The following PARP3 variants were observed in gnomAD, a reference collection of about 807,000 sequenced individuals.
PARP3 encodes poly(ADP-ribose) polymerase family member 3.
In PARP3, 46 loss-of-function variants were observed where a neutral mutation model predicts 58.2. The ratio of observed to expected loss-of-function variants is 0.79; its 90% CI spans 0.62 to 1.01. PARP3 has a LOEUF of 1.01. PARP3 is among the 50% of genes least tolerant of loss of function. The pLI, the probability that PARP3 is intolerant of heterozygous loss-of-function variation, is 0.00. For missense variants in PARP3, 663 were observed against 683.9 expected (o/e 0.97, Z 0.34); for synonymous variants, 252 against 266.4 (o/e 0.95, Z 0.53).
Position 51,944,625 on chromosome 3 carries a change from A to C in PARP3, c.501+47A>C. ...GGCAGGCCCTGGACTGAGGGAGGGG[A>C]CTCGTTGGAGAGTTCCCGCTGGTTG... On this transcript the variant is annotated intron_variant, in intron 4 of 10. Coordinates refer to ENST00000398755, the MANE Select transcript of PARP3 (RefSeq NM_001003931.4). The surrounding 1 kb of genome is among the most constrained non-coding windows in gnomAD (Gnocchi z 4.2). 6.3e-7 allele frequency: 1 copy of C among 1,598,954 alleles called. No homozygotes were observed. Among genetic ancestry groups the C allele is most frequent in the Non-Finnish European group, 8.6e-7 (1 of 1,169,484 alleles).
rs754198499 is a variant in PARP3 at position 51,945,582 on chromosome 3, C to G, written c.949C>G (p.Arg317Gly). The G allele has an allele frequency of 6.2e-7, 1 of 1,613,790 alleles. No individual in the cohort carries two copies. Among genetic ancestry groups the G allele is most frequent in the Non-Finnish European group, 8.5e-7 (1 of 1,180,018 alleles). The change falls in exon 7 of 11, where the codon CGA becomes GGA. Residue 317 changes from arginine (R) to glycine (G), a missense_variant. This residue lies in a region of PARP3 where 567 missense variants were observed against 553.6 expected (regional missense o/e 1.02). Coordinates refer to ENST00000398755, the MANE Select transcript of PARP3 (RefSeq NM_001003931.4). The part of the protein sequence containing the change: ...TVEEVPHPLD[R>G]DYQLLKCQLQ... ...GGAGGAGGTGCCACACCCCCTGGAC[C>G]GAGACTACCAGCTTCTCAAGTGCCA...
At position 51,942,604 on chromosome 3, in the gene PARP3, G is replaced by T; in HGVS notation, c.-107G>T. 1.3e-6 allele frequency: 1 copy of T among 777,264 alleles called. No individual in the cohort carries two copies. Among genetic ancestry groups the T allele is most frequent in the Non-Finnish European group, 2.3e-6 (1 of 438,870 alleles). 48.1% of individuals were successfully genotyped at this position (777,264 alleles called of 1,614,324 possible). On this transcript the variant is annotated 5_prime_UTR_variant, in exon 1 of 11. Coordinates refer to ENST00000398755, the MANE Select transcript of PARP3 (RefSeq NM_001003931.4). ...GTTGGGAATTCTCTCCCTAATTCAC[G>T]CCTGAGGCTCATGGAGAGTTGCTAG...
rs2106696387 is a variant in PARP3, at chr3:51,946,184, C to T, written c.1117C>T (p.His373Tyr). 1 of 1,603,642 alleles carries T rather than the reference C, an allele frequency of 6.2e-7. No individual in the cohort carries two copies. Among genetic ancestry groups the T allele is most frequent in the Non-Finnish European group, 8.5e-7 (1 of 1,174,240 alleles). Residue 373 changes from histidine (H) to tyrosine (Y), a missense_variant, in exon 9 of 11, where the codon CAC becomes TAC. By Grantham distance (83) the His-to-Tyr change is moderately conservative. Around this residue, in one of 3 missense-constraint regions of PARP3, gnomAD observed 567 missense variants for 553.6 expected, o/e 1.02. Transcript: ENST00000398755. The surrounding 1 kb of genome is among the most constrained non-coding windows in gnomAD (Gnocchi z 4.6). ...QEGEEDRFQAHSKLGNRKLLW... is the reference protein window; with the variant it reads ...QEGEEDRFQAYSKLGNRKLLW... ...CACTCAGGAAGACAGATTCCAGGCC[C>T]ACTCCAAACTGGGTAATCGGAAGCT...
Position 51,944,991 on chromosome 3 carries a change from C to T in PARP3, c.635-7C>T. ...GGCTGAGTCTCCCCACTCCCCTGTC[C>T]CCCTAGATGTGAAGAAGATGCCCCT... On this transcript the variant is annotated splice_region_variant and splice_polypyrimidine_tract_variant and intron_variant, in intron 5 of 10. Coordinates refer to ENST00000398755, the MANE Select transcript of PARP3 (RefSeq NM_001003931.4). The surrounding 1 kb of genome is among the most constrained non-coding windows in gnomAD (Gnocchi z 4.2). 2 of 1,613,574 alleles carry T rather than the reference C, an allele frequency of 1.2e-6. No individual in the cohort carries two copies. The highest frequency in any genetic ancestry group is 2.2e-5 in the East Asian group (1 of 44,878).
chr3:51,946,908 A>G lies in PARP3; in HGVS notation c.1276+565A>G, dbSNP rs143260965. On this transcript the variant is annotated intron_variant, in intron 9 of 10. Transcript: ENST00000398755. This position sits in a 1 kb window ranked among gnomAD's most constrained non-coding sequence, Gnocchi z 4.6. ...GGGGCAGGGTGGGCTAGGGGCCCAG[A>G]ACGATCGAGGAGGCTTTATCCAGAG... Among the ~76,000 whole-genome samples the G allele has an allele frequency of 1.1e-3, 170 of 152,346 alleles. No individual in the cohort carries two copies. Among genetic ancestry groups the G allele is most frequent in the African/African-American group, 3.9e-3 (162 of 41,590 alleles).
rs540910959 is a variant in PARP3 at position 51,945,068 on chromosome 3, G to A, written c.705G>A (p.Ala235=). The A allele has an allele frequency of 4.9e-5, 79 of 1,614,054 alleles. No homozygotes were observed. Among genetic ancestry groups the A allele is most frequent in the Non-Finnish European group, 5.8e-5 (68 of 1,180,050 alleles). The change falls in exon 6 of 11, where the codon GCG becomes GCA. Residue 235 remains alanine, a synonymous_variant. Coordinates refer to ENST00000398755, the MANE Select transcript of PARP3 (RefSeq NM_001003931.4). ...CACGGGGTTTCGAGGCCTTGGAGGCGCTGGAGGAGGCCCTGAAAGGCCCCA... is the reference window on the plus strand; with the variant it reads ...CACGGGGTTTCGAGGCCTTGGAGGCACTGGAGGAGGCCCTGAAAGGCCCCA... ...QIARGFEALE[A]LEEALKGPTD... is the part of the protein sequence containing the mutation.
At position 51,942,511 on chromosome 3, in the gene PARP3, A is replaced by T. The variant is rs1559746051; in HGVS notation, c.-200A>T. 4 of 686,336 alleles carry T rather than the reference A, an allele frequency of 5.8e-6. No individual in the cohort carries two copies. The East Asian group carries it at 1.1e-4, about 19-fold the overall frequency. The allele number at this position is 686,336 out of a possible 1,614,324, so 42.5% of individuals were successfully genotyped here. On this transcript the variant is annotated 5_prime_UTR_variant, in exon 1 of 11. Transcript: ENST00000398755. ...CTCGGCCTGCCCCAGCCTCTGCTTC[A>T]CCCCACTGGTGGCCAAATAGCCGAT...
intron 6 of PARP3, 89 bp from the exon 7 acceptor site, chr3:51,945,406 G>C (rs1337007619): frequency 3.4e-6 from 5 of 1,478,340 alleles, no homozygotes; most frequent in Middle Eastern, 3.5e-4. Context: ...ACACACAGGT[G>C]GGGTGGCTAC....
In PARP3 at chr3:51,944,101, T is replaced by C; in HGVS notation, c.196T>C (p.Tyr66His). The C allele has an allele frequency of 1.2e-6, 2 of 1,613,240 alleles. No homozygotes were observed. Among genetic ancestry groups the C allele is most frequent in the Non-Finnish European group, 1.7e-6 (2 of 1,179,720 alleles). Reference protein sequence around the residue: ...SNPGTQVYEDYNCTLNQTNIE... With the variant: ...SNPGTQVYEDHNCTLNQTNIE... ...CCCTCTGGCCCAGGTGTATGAGGAC[T>C]ACAACTGCACCCTGAACCAGACCAA... is the stretch of plus-strand genomic sequence containing the variant. Residue 66 changes from tyrosine (Y) to histidine (H), a missense_variant, in exon 3 of 11, where the codon TAC becomes CAC. Transcript: ENST00000398755. This position sits in a 1 kb window ranked among gnomAD's most constrained non-coding sequence, Gnocchi z 4.2.
chr3:51,944,977 C>T lies in PARP3; in HGVS notation c.635-21C>T. ...TGGCAGGGCTGTGGGGCTGAGTCTC[C>T]CCACTCCCCTGTCCCCCTAGATGTG... On this transcript the variant is annotated intron_variant, in intron 5 of 10. Transcript: ENST00000398755. The surrounding 1 kb of genome is among the most constrained non-coding windows in gnomAD (Gnocchi z 4.2). 6.2e-7 allele frequency: 1 copy of T among 1,613,248 alleles called. No individual in the cohort carries two copies. Among genetic ancestry groups the T allele is most frequent in the Non-Finnish European group, 8.5e-7 (1 of 1,179,722 alleles).
In PARP3 at chr3:51,945,178, C is replaced by G; in HGVS notation, c.815C>G (p.Pro272Arg). 1 of 1,614,000 alleles carries G rather than the reference C, an allele frequency of 6.2e-7. No individual in the cohort carries two copies. The highest frequency in any genetic ancestry group is 8.5e-7 in the Non-Finnish European group (1 of 1,180,038). The change falls in exon 6 of 11, where the codon CCC (proline) becomes CGC (arginine). Residue 272 changes from proline (P) to arginine (R), a missense_variant. This residue lies in a region of PARP3 where 567 missense variants were observed against 553.6 expected (regional missense o/e 1.02). Coordinates refer to ENST00000398755, the MANE Select transcript of PARP3 (RefSeq NM_001003931.4). ...AACTTCGGCCACAGCCAGCCCCCGC[C>G]CATCAATTCCCCTGAGCTTCTGCAG... Reference protein sequence around the residue: ...PHNFGHSQPPPINSPELLQAK... With the variant: ...PHNFGHSQPPRINSPELLQAK...
Position 51,945,024 on chromosome 3 carries a change from C to T in PARP3, c.661C>T (p.Leu221=), listed in dbSNP as rs774090571. 2.5e-6 allele frequency: 4 copies of T among 1,613,896 alleles called. No individual in the cohort carries two copies. The African/African-American group carries it at 5.3e-5, about 22-fold the overall frequency. The part of the protein sequence containing the change: ...LDVKKMPLGK[L]SKQQIARGFE... The stretch of plus-strand genomic sequence containing the variant: ...TGTGAAGAAGATGCCCCTGGGAAAG[C>T]TGAGCAAGCAACAGATTGCACGGGG... Residue 221 remains leucine, a synonymous_variant, in exon 6 of 11, where the codon CTG becomes TTG. Transcript: ENST00000398755.
chr3:51,946,067 G>A lies in PARP3; in HGVS notation c.1099-99G>A, dbSNP rs1699669609. 1.5e-6 allele frequency: 2 copies of A among 1,355,144 alleles called. No individual in the cohort carries two copies. Among genetic ancestry groups the A allele is most frequent in the East Asian group, 4.6e-5 (2 of 43,578 alleles). 83.9% of individuals were successfully genotyped at this position (1,355,144 alleles called of 1,614,324 possible). A position where few individuals can be genotyped will look rare whatever the true frequency, so the allele number is the denominator to read the frequency against. On this transcript the variant is annotated intron_variant, in intron 8 of 10. Coordinates refer to ENST00000398755, the MANE Select transcript of PARP3 (RefSeq NM_001003931.4). This position sits in a 1 kb window ranked among gnomAD's most constrained non-coding sequence, Gnocchi z 4.6. ...TTCTGCCGGCCATGAGTGCGCGTGA[G>A]TAAGCAGAGGGACACTAGGCCTTGG... is the stretch of plus-strand genomic sequence containing the variant.
At position 51,944,385 on chromosome 3, in the gene PARP3, T is replaced by A; in HGVS notation, c.313-5T>A. 1 of 1,613,668 alleles carries A rather than the reference T, an allele frequency of 6.2e-7. No individual in the cohort carries two copies. Among genetic ancestry groups the A allele is most frequent in the East Asian group, 2.2e-5 (1 of 44,876 alleles). On this transcript the variant is annotated splice_region_variant and splice_polypyrimidine_tract_variant and intron_variant, in intron 3 of 10. Coordinates refer to ENST00000398755, the MANE Select transcript of PARP3 (RefSeq NM_001003931.4). This position sits in a 1 kb window ranked among gnomAD's most constrained non-coding sequence, Gnocchi z 4.2. Reference sequence around the variant, plus strand: ...GGGCATACCCCTGAAGGCTGTCGGTTGCAGGGAGAGGTCGGCCAGTCAAAG... The same window carrying A: ...GGGCATACCCCTGAAGGCTGTCGGTAGCAGGGAGAGGTCGGCCAGTCAAAG...
intron 10 of PARP3, 78 bp downstream of exon 10, chr3:51,947,973 C>T: frequency 7.3e-7 from 1 of 1,367,132 alleles, no homozygotes; most frequent in Non-Finnish European, 1.0e-6. Flanking sequence ...AGGGAGGGGG[C>T]TGTGAAGAGG....
rs1699616405 is a variant in PARP3 at position 51,944,253 on chromosome 3, G to A, written c.312+36G>A. ...TGCCTGCTCTGCACATACTCCCCAGGGTCCTCAAAAGGCCACAGCTACTGA... is the reference window on the plus strand; with the variant it reads ...TGCCTGCTCTGCACATACTCCCCAGAGTCCTCAAAAGGCCACAGCTACTGA... On this transcript the variant is annotated intron_variant, in intron 3 of 10. Transcript: ENST00000398755. This position sits in a 1 kb window ranked among gnomAD's most constrained non-coding sequence, Gnocchi z 4.2. The A allele has an allele frequency of 1.9e-6, 3 of 1,612,920 alleles. No homozygotes were observed. Among genetic ancestry groups the A allele is most frequent in the Admixed American group, 1.7e-5 (1 of 59,950 alleles).
intron 6 of PARP3, 56 bp downstream of exon 6, chr3:51,945,280 C>T (rs1002975399): frequency 3.5e-5 from 55 of 1,550,000 alleles, no homozygotes; most frequent in East Asian, 9.1e-5. Flanking sequence ...ACAGCCTAGG[C>T]GAGCGAGATG....
In PARP3 at chr3:51,943,391, G is replaced by T. The variant is rs780025809; in HGVS notation, c.36G>T (p.Glu12Asp). ...APKPKPWVQT[E>D]GPEKKKGRQA... is the part of the protein sequence containing the mutation. ...AGCCGAAGCCCTGGGTACAGACTGA[G>T]GGCCCTGAGAAGAAGAAGGGCCGGC... is the stretch of plus-strand genomic sequence containing the variant. The change falls in exon 2 of 11, where the codon GAG (glutamate) becomes GAT (aspartate). Residue 12 changes from glutamate to aspartate, a missense_variant. By Grantham distance (45) the Glu-to-Asp change is conservative. Around this residue, in one of 3 missense-constraint regions of PARP3, gnomAD observed 567 missense variants for 553.6 expected, o/e 1.02. Transcript: ENST00000398755. 1 of 1,599,638 alleles carries T rather than the reference G, an allele frequency of 6.3e-7. No homozygotes were observed. The highest frequency in any genetic ancestry group is 1.1e-5 in the South Asian group (1 of 88,738).
chr3:51,947,268 G>A (rs1699701481), intron 9 of PARP3, among the ~76,000 whole-genome samples: 1 of 152,246 alleles, frequency 6.6e-6, no homozygotes, highest in Non-Finnish European at 1.5e-5. Flanking sequence ...AGCTGGCCAA[G>A]AGAGCAAGGA....
Sources: allele counts gnomAD v4.1 joint callset (sites outside exome capture counted in the v4.1 genomes callset), GRCh38; gene constraint gnomAD v4.1.1; regional missense constraint gnomAD v4.1.1; non-coding constraint Gnocchi (gnomAD v3.1); transcripts MANE v1.5; gene names NCBI Gene and HGNC (gene_info 2026-07-23, HGNC 2026-07-21).